Variants in L2HGDH observed in about 807,000 individuals in gnomAD.
The protein encoded by L2HGDH is L-2-hydroxyglutarate dehydrogenase.
L2HGDH carries 34 observed loss-of-function variants against 51.5 expected under a neutral mutation model. That is an observed-to-expected ratio of 0.66 (90% CI 0.50 to 0.88). L2HGDH has a LOEUF of 0.88. Among genes scored for constraint, L2HGDH ranks in the 40% least tolerant of loss-of-function variants. The pLI is 0.00. For missense variants in L2HGDH, 558 were observed against 571.9 expected, an observed-to-expected ratio of 0.98 and a Z score of 0.25; for synonymous variants, 198 against 197.9, an observed-to-expected ratio of 1.00 and a Z score of -0.01.
intron 3 of L2HGDH, among the ~76,000 whole-genome samples, chr14:50,297,805 G>A (rs915477801): frequency 1.3e-5 from 2 of 152,130 alleles, no homozygotes; most frequent in Non-Finnish European, 2.9e-5. Flanking sequence ...TAAACAATAT[G>A]CCTCTGGCCA....
chr14:50,297,569 C>G (rs2030137537), intron 3 of L2HGDH, among the ~76,000 whole-genome samples: 1 of 152,106 alleles, frequency 6.6e-6, no homozygotes, highest in African/African-American at 2.4e-5. Context: ...CCAAATGGAC[C>G]TAACAGATAT....
Position 50,244,803 on chromosome 14 carries a change from C to T in L2HGDH, c.*2255G>A. 1 of 985,406 alleles carries T rather than the reference C, an allele frequency of 1.0e-6. No individual in the cohort carries two copies. The highest frequency in any genetic ancestry group is 1.2e-6 in the Non-Finnish European group (1 of 829,926). 61.0% of individuals were successfully genotyped at this position (985,406 alleles called of 1,614,324 possible). ...CATTTTTCCTATCAACCAAAATGCA[C>T]ATCCTTCTCACCCATCCATCATACA... On this transcript the variant is annotated 3_prime_UTR_variant, in exon 10 of 10. Transcript: ENST00000267436.
chr14:50,257,760 G>GT lies in L2HGDH; in HGVS notation c.1196+7597dup, dbSNP rs1448244675. Among the ~76,000 whole-genome samples, 772 of 141,650 alleles carry GT rather than the reference G, an allele frequency of 5.5e-3. 5 individuals are homozygous for GT. The highest frequency in any genetic ancestry group is 0.012 in the East Asian group (57 of 4,838). The allele number at this position is 141,650 out of a possible 152,430, so 92.9% of individuals were successfully genotyped here. ...AATTTGCCTAGTTCTTTTTTCTTTG[G>GT]TTTTTTTTTTTCATGTTTTCATTAC... On this transcript the variant is annotated intron_variant, in intron 9 of 9. Transcript: ENST00000267436.
rs1888034283 is a variant in L2HGDH at position 50,246,893 on chromosome 14, T to G, written c.*165A>C. On this transcript the variant is annotated 3_prime_UTR_variant, in exon 10 of 10. Transcript: ENST00000267436. ...ATGCGCCACCATGCCTGGCTAATTT[T>G]TGTAGAAAATTATTATTTCTATGTT... 1 of 1,258,306 alleles carries G rather than the reference T, an allele frequency of 7.9e-7. No individual in the cohort carries two copies. Among genetic ancestry groups the G allele is most frequent in the Non-Finnish European group, 1.1e-6 (1 of 940,052 alleles). 77.9% of individuals were successfully genotyped at this position (1,258,306 alleles called of 1,614,324 possible).
chr14:50,274,539 A>G (rs1464031187), intron 6 of L2HGDH, among the ~76,000 whole-genome samples: 1 of 152,194 alleles, frequency 6.6e-6, no homozygotes, highest in African/African-American at 2.4e-5. Context: ...GGAAACAGTA[A>G]GGACGTTTCT....
In L2HGDH at chr14:50,243,817, T is replaced by C. The variant is rs1201458017; in HGVS notation, c.*3241A>G. ...ATTTAGCATTAGGTATATCTCCTAA[T>C]GCTATCCCTCCCCCCTCCCCCCACC... On this transcript the variant is annotated 3_prime_UTR_variant, in exon 10 of 10. Transcript: ENST00000267436. The C allele has an allele frequency of 1.5e-4, 20 of 137,250 alleles. No homozygotes were observed. The allele number at this position is 137,250 out of a possible 1,614,324, so 8.5% of individuals were successfully genotyped here. A position where few individuals can be genotyped will look rare whatever the true frequency, so the allele number is the denominator to read the frequency against.
chr14:50,283,026 TA>T (rs566436202), intron 5 of L2HGDH, among the ~76,000 whole-genome samples: 70 of 143,498 alleles, frequency 4.9e-4, no homozygotes, highest in African/African-American at 1.2e-3. Flanking sequence ...AAATTAAAAT[TA>T]AAAAAAAAAA....
chr14:50,296,138 G>A (rs1053738476), intron 3 of L2HGDH, among the ~76,000 whole-genome samples: 2 of 151,982 alleles, frequency 1.3e-5, no homozygotes, highest in Non-Finnish European at 2.9e-5. Flanking sequence ...CTGGGAAGCT[G>A]AGGCTGGTGG....
At chr14:50,295,066 C>A (rs576857135) in intron 3 of L2HGDH, among the ~76,000 whole-genome samples, 2 of 152,242 alleles carry the variant, frequency 1.3e-5, no homozygotes, top group East Asian at 1.9e-4. Context: ...ACAACCCACA[C>A]AATGAGAAAA....
In L2HGDH at chr14:50,257,262, T is replaced by C. The variant is rs370886987; in HGVS notation, c.1196+8096A>G. On this transcript the variant is annotated intron_variant, in intron 9 of 9. Coordinates refer to ENST00000267436, the MANE Select transcript of L2HGDH (RefSeq NM_024884.3). ...TTTAATTTCTATGGATACATCTTTA[T>C]CTTGCAGTATTGCTTTCTAAATTCT... is the stretch of plus-strand genomic sequence containing the variant. Among the ~76,000 whole-genome samples, 6 of 152,240 alleles carry C rather than the reference T, an allele frequency of 3.9e-5. No homozygotes were observed. The East Asian group carries it at 5.8e-4, about 15-fold the overall frequency.
chr14:50,253,336 G>A (rs1888474142), intron 9 of L2HGDH, among the ~76,000 whole-genome samples: 1 of 151,820 alleles, frequency 6.6e-6, no homozygotes, highest in Admixed American at 6.6e-5. Flanking sequence ...AACTCTATAG[G>A]AAAAAAATTT....
chr14:50,277,820 A>C (rs138479821), intron 6 of L2HGDH, among the ~76,000 whole-genome samples: 1,266 of 116,318 alleles, frequency 0.011, 16 homozygotes, highest in African/African-American at 0.033. Flanking sequence ...TAATAATAAT[A>C]ATAATAATCT....
intron 6 of L2HGDH, among the ~76,000 whole-genome samples, chr14:50,271,053 C>CG (rs1286793862): frequency 6.6e-6 from 1 of 152,094 alleles, no homozygotes; most frequent in African/African-American, 2.4e-5. Flanking sequence ...AGTGCGATGG[C>CG]GCAGTCCTGG....
At position 50,247,020 on chromosome 14, in the gene L2HGDH, C is replaced by G. The variant is rs764471449; in HGVS notation, c.*38G>C. On this transcript the variant is annotated 3_prime_UTR_variant, in exon 10 of 10. Transcript: ENST00000267436. ...GCAATTAGTACATTCTTGTTGCTGACATGAAGATTACAGTGCATACCTAGC... is the reference window on the plus strand; with the variant it reads ...GCAATTAGTACATTCTTGTTGCTGAGATGAAGATTACAGTGCATACCTAGC... The G allele has an allele frequency of 5.0e-6, 8 of 1,595,842 alleles. No homozygotes were observed. In the African/African-American group the frequency reaches 8.1e-5, roughly 16 times the overall value.
At chr14:50,308,353 C>T (rs2030850677) in intron 1 of L2HGDH, among the ~76,000 whole-genome samples, 1 of 149,802 alleles carries the variant, frequency 6.7e-6, no homozygotes, top group Non-Finnish European at 1.5e-5. Context: ...CGCCACTGCG[C>T]TCCAGCCTGG....
intron 4 of L2HGDH, among the ~76,000 whole-genome samples, chr14:50,292,348 A>C (rs1012763067): frequency 6.6e-6 from 1 of 152,208 alleles, no homozygotes; most frequent in Non-Finnish European, 1.5e-5. Context: ...GTAAAGATCC[A>C]AGAGTAGCCA....
chr14:50,310,722 A>AG (rs1483422051), intron 1 of L2HGDH, among the ~76,000 whole-genome samples: 1 of 151,966 alleles, frequency 6.6e-6, no homozygotes. Flanking sequence ...TTTTAAAAAA[A>AG]CATTTTAAGT....
chr14:50,301,679 G>C (rs1260363527), intron 3 of L2HGDH, among the ~76,000 whole-genome samples: 1 of 152,160 alleles, frequency 6.6e-6, no homozygotes, highest in Non-Finnish European at 1.5e-5. Context: ...GGTAGAAATG[G>C]GAAGTGACTG....
chr14:50,303,824 A>AC (rs2030569774), intron 1 of L2HGDH, among the ~76,000 whole-genome samples: 1 of 151,108 alleles, frequency 6.6e-6, no homozygotes, highest in African/African-American at 2.4e-5. Context: ...AAAAAAAAAA[A>AC]AAAACCTCAA....
Sources: gnomAD v4.1 joint callset for allele counts (sites outside exome capture counted in the v4.1 genomes callset) on GRCh38, gnomAD v4.1.1 for gene constraint, MANE v1.5 for transcripts, NCBI Gene and HGNC (gene_info 2026-07-23, HGNC 2026-07-21) for gene names.